ZNF621: variants seen among roughly 807,000 people sequenced by gnomAD.
The protein encoded by ZNF621 is zinc finger protein 621.
In ZNF621, 6 loss-of-function variants were observed where a neutral mutation model predicts 12.7. The ratio of observed to expected loss-of-function variants is 0.47; its 90% CI spans 0.26 to 0.93. The LOEUF (loss-of-function observed/expected upper bound fraction) is 0.93, where lower values mean the gene tolerates loss of function less well. Among genes scored for constraint, ZNF621 ranks in the 40% least tolerant of loss-of-function variants. ZNF621 has a pLI of 0.15. For synonymous variants in ZNF621, 156 were observed against 190.3 expected (o/e 0.82, Z 1.48); for missense variants, 474 against 524.0 (o/e 0.90, Z 0.93).
intron 3 of ZNF621, among the ~76,000 whole-genome samples, chr3:40,529,879 G>A (rs958879069): frequency 1.3e-5 from 2 of 152,180 alleles, no homozygotes; most frequent in Non-Finnish European, 2.9e-5. Context: ...CACCCTAAGT[G>A]AGCCCTTTGT....
chr3:40,530,175 C>T, intron 3 of ZNF621, 34 bp from the exon 4 acceptor site: 1 of 1,574,206 alleles, frequency 6.4e-7, no homozygotes, highest in Non-Finnish European at 8.7e-7. Flanking sequence ...CTGGACGTCT[C>T]CCCTCAATTT....
rs1012559785 is a variant in ZNF621, at chr3:40,534,473, T to G, written c.*1383T>G. ...AGCTTTGATGGAAGGGTCCATACAT[T>G]TTTTTTTTTTTTTTGCTGATGTTGC... is the stretch of plus-strand genomic sequence containing the variant. On this transcript the variant is annotated 3_prime_UTR_variant, in exon 5 of 5. Coordinates refer to ENST00000339296, the MANE Select transcript of ZNF621 (RefSeq NM_198484.5). The G allele has an allele frequency of 2.5e-5, 1 of 40,576 alleles. No individual in the cohort carries two copies. Among genetic ancestry groups the G allele is most frequent in the African/African-American group, 4.7e-4 (1 of 2,114 alleles). 2.5% of individuals were successfully genotyped at this position (40,576 alleles called of 1,614,324 possible).
chr3:40,525,980 C>T lies in ZNF621; in HGVS notation c.24+116C>T, dbSNP rs534205631. On this transcript the variant is annotated intron_variant, in intron 2 of 4. Coordinates refer to ENST00000339296, the MANE Select transcript of ZNF621 (RefSeq NM_198484.5). ...GCCTAACTTGGCCAAGCTGTGTTTTCCCCTTTGTATCTATCTCCAGGGCTA... is the reference window on the plus strand; with the variant it reads ...GCCTAACTTGGCCAAGCTGTGTTTTTCCCTTTGTATCTATCTCCAGGGCTA... 7.3e-4 allele frequency: 879 copies of T among 1,203,182 alleles called. 5 individuals are homozygous for T. Among genetic ancestry groups the T allele is most frequent in the Non-Finnish European group, 8.7e-5 (73 of 840,448 alleles). The allele number at this position is 1,203,182 out of a possible 1,614,324, so 74.5% of individuals were successfully genotyped here. A position where few individuals can be genotyped will look rare whatever the true frequency, so the allele number is the denominator to read the frequency against.
chr3:40,538,871 A>G lies in ZNF621; in HGVS notation c.*5781A>G, dbSNP rs1324811857. 1.3e-5 allele frequency: 2 copies of G among 152,606 alleles called. No homozygotes were observed. Among genetic ancestry groups the G allele is most frequent in the African/African-American group, 4.8e-5 (2 of 41,450 alleles). 9.5% of individuals were successfully genotyped at this position (152,606 alleles called of 1,614,324 possible). A position where few individuals can be genotyped will look rare whatever the true frequency, so the allele number is the denominator to read the frequency against. ...AAGACATTGACCTCAACCCTGATGG[A>G]TGATCTTGAGGGGTTCAAGACTTCA... On this transcript the variant is annotated 3_prime_UTR_variant, in exon 5 of 5. Coordinates refer to ENST00000339296, the MANE Select transcript of ZNF621 (RefSeq NM_198484.5).
chr3:40,528,576 T>C (rs1698641030), intron 2 of ZNF621, among the ~76,000 whole-genome samples: 1 of 152,236 alleles, frequency 6.6e-6, no homozygotes, highest in Admixed American at 6.5e-5. Flanking sequence ...ATTGACGAAC[T>C]GTCTTCCAAA....
intron 2 of ZNF621, among the ~76,000 whole-genome samples, chr3:40,527,275 C>T (rs553848040): frequency 6.6e-6 from 1 of 152,186 alleles, no homozygotes; most frequent in African/African-American, 2.4e-5. Flanking sequence ...CCTCAGCCTC[C>T]CAAAGTGTTG....
intron 3 of ZNF621, 69 bp from the exon 4 acceptor site, chr3:40,530,140 G>T (rs1209180967): frequency 3.2e-5 from 43 of 1,339,006 alleles, no homozygotes; most frequent in Non-Finnish European, 4.5e-5. Flanking sequence ...TGGAGGGTGG[G>T]CTGAGAAAGA....
chr3:40,528,181 AT>A (rs1698630937), intron 2 of ZNF621, among the ~76,000 whole-genome samples: 1 of 152,188 alleles, frequency 6.6e-6, no homozygotes, highest in South Asian at 2.1e-4. Flanking sequence ...ACAACCATCA[AT>A]TGATTTTTGT....
intron 3 of ZNF621, 71 bp from the exon 4 acceptor site, chr3:40,530,138 G>A (rs1030303186): frequency 2.7e-5 from 35 of 1,292,926 alleles, no homozygotes; most frequent in Non-Finnish European, 3.8e-5. Flanking sequence ...GATGGAGGGT[G>A]GGCTGAGAAA....
At chr3:40,528,354 T>C (rs1698636643) in intron 2 of ZNF621, among the ~76,000 whole-genome samples, 1 of 152,226 alleles carries the variant, frequency 6.6e-6, no homozygotes, top group Admixed American at 6.5e-5. Context: ...CTGAATAATA[T>C]TCCATTGTCT....
rs773307601 is a variant in ZNF621 at position 40,538,007 on chromosome 3, C to G, written c.*4917C>G. Among the ~76,000 whole-genome samples, 1 of 152,210 alleles carries G rather than the reference C, an allele frequency of 6.6e-6. No individual in the cohort carries two copies. The highest frequency in any genetic ancestry group is 1.5e-5 in the Non-Finnish European group (1 of 68,038). ...AAAAGCATCAAAGGACAGCTCGTCT[C>G]TCTTGTTAGGGGTTCATGCAGCTGG... On this transcript the variant is annotated 3_prime_UTR_variant, in exon 5 of 5. Transcript: ENST00000339296.
Position 40,535,596 on chromosome 3 carries a change from G to A in ZNF621, c.*2506G>A, listed in dbSNP as rs141230708. 46 of 152,302 alleles carry A rather than the reference G, an allele frequency of 3.0e-4. No homozygotes were observed. Among genetic ancestry groups the A allele is most frequent in the African/African-American group, 1.1e-3 (45 of 41,572 alleles). The allele number at this position is 152,302 out of a possible 1,614,324, so 9.4% of individuals were successfully genotyped here. A position where few individuals can be genotyped will look rare whatever the true frequency, so the allele number is the denominator to read the frequency against. On this transcript the variant is annotated 3_prime_UTR_variant, in exon 5 of 5. Coordinates refer to ENST00000339296, the MANE Select transcript of ZNF621 (RefSeq NM_198484.5). ...GTAAAAATACCCCTACAATCATTTT[G>A]GTAGGGTCTTCTGTCTTCAGCCAGG...
intron 4 of ZNF621, among the ~76,000 whole-genome samples, chr3:40,530,988 C>G (rs1575307386): frequency 6.6e-6 from 1 of 152,138 alleles, no homozygotes. Context: ...TGTTTACTTG[C>G]GTTTCCATTT....
intron 1 of ZNF621, chr3:40,525,507 A>G (rs1698556232): frequency 1.8e-6 from 1 of 545,284 alleles, no homozygotes; most frequent in South Asian, 2.2e-5. Flanking sequence ...ACCCAACACA[A>G]TAGGGACAGG....
At chr3:40,530,511 G>A (rs1250530802) in intron 4 of ZNF621, among the ~76,000 whole-genome samples, 195 bp downstream of exon 4, 2 of 152,210 alleles carry the variant, frequency 1.3e-5, no homozygotes, top group African/African-American at 4.8e-5. Flanking sequence ...GCCTCATGCT[G>A]TCTGCACATT....
At chr3:40,527,177 C>T (rs1343406918) in intron 2 of ZNF621, among the ~76,000 whole-genome samples, 3 of 151,536 alleles carry the variant, frequency 2.0e-5, no homozygotes, top group Non-Finnish European at 4.4e-5. Flanking sequence ...GCCACCACGT[C>T]CGGCTAATTT....
In ZNF621 at chr3:40,534,343, T is replaced by C. The variant is rs888060428; in HGVS notation, c.*1253T>C. The C allele has an allele frequency of 7.9e-5, 12 of 152,110 alleles. No homozygotes were observed. Among genetic ancestry groups the C allele is most frequent in the African/African-American group, 2.9e-4 (12 of 41,422 alleles). The allele number at this position is 152,110 out of a possible 1,614,324, so 9.4% of individuals were successfully genotyped here. On this transcript the variant is annotated 3_prime_UTR_variant, in exon 5 of 5. Coordinates refer to ENST00000339296, the MANE Select transcript of ZNF621 (RefSeq NM_198484.5). ...TTTGGGGTTGCTCTTGGAAGTGGCC[T>C]TGATGAGGATCCTTTACAACTATTC...
At chr3:40,526,785 T>G (rs1698592163) in intron 2 of ZNF621, among the ~76,000 whole-genome samples, 1 of 152,216 alleles carries the variant, frequency 6.6e-6, no homozygotes, top group African/African-American at 2.4e-5. Flanking sequence ...AAAAAGATTT[T>G]CCTAGCCCTT....
upstream of ZNF621, among the ~76,000 whole-genome samples, chr3:40,524,498 A>AAACGGCG: frequency 6.6e-6 from 1 of 152,316 alleles, no homozygotes; most frequent in Middle Eastern, 3.4e-3. Context: ...GAGAGGGCTA[A>AAACGGCG]AACGGCGAGT....
Sources: gnomAD v4.1 joint callset for allele counts (sites outside exome capture counted in the v4.1 genomes callset) on GRCh38, gnomAD v4.1.1 for gene constraint, MANE v1.5 for transcripts, NCBI Gene and HGNC (gene_info 2026-07-23, HGNC 2026-07-21) for gene names.